The following GMDS variants were observed in gnomAD, a reference collection of about 807,000 sequenced individuals.
The protein encoded by GMDS is GDP-mannose 4,6-dehydratase, also known as GDP-mannose 4,6 dehydratase.
In GMDS, 20 loss-of-function variants were observed where a neutral mutation model predicts 49.9. The ratio of observed to expected loss-of-function variants is 0.40; its 90% CI spans 0.28 to 0.58. The LOEUF is 0.58. Ranked by LOEUF, GMDS falls within the 20% of genes least tolerant of loss-of-function variation. The pLI is 0.42. For synonymous variants in GMDS, 177 were observed against 178.6 expected (o/e 0.99, Z 0.07); for missense variants, 362 against 481.4 (o/e 0.75, Z 2.32).
At chr6:2,071,144 C>G (rs1771967152) in intron 4 of GMDS, among the ~76,000 whole-genome samples, 1 of 152,178 alleles carries the variant, frequency 6.6e-6, no homozygotes, top group Non-Finnish European at 1.5e-5. Context: ...CAAGCATTCC[C>G]TACTGAACCC....
intron 7 of GMDS, among the ~76,000 whole-genome samples, chr6:1,875,317 TACACACACACACAC>T (rs56053544): frequency 1.7e-3 from 261 of 150,124 alleles, no homozygotes; most frequent in Non-Finnish European, 2.7e-3. Flanking sequence ...TTTTTGTATT[TACACACACACACAC>T]ACACACACAC....
At chr6:1,865,023 T>C (rs976511399) in intron 7 of GMDS, among the ~76,000 whole-genome samples, 2 of 152,216 alleles carry the variant, frequency 1.3e-5, no homozygotes, top group African/African-American at 2.4e-5. Flanking sequence ...TACATTTTTA[T>C]TGCCGGAGCT....
At chr6:2,168,292 T>C (rs9501815) in intron 1 of GMDS, among the ~76,000 whole-genome samples, 2,223 of 152,296 alleles carry the variant, frequency 0.015, 55 homozygotes, top group African/African-American at 0.05. Flanking sequence ...GCTTGTTCTT[T>C]ACCAACAACA....
chr6:2,119,889 T>C (rs1368923680), intron 2 of GMDS, among the ~76,000 whole-genome samples: 2 of 152,228 alleles, frequency 1.3e-5, no homozygotes, highest in Non-Finnish European at 2.9e-5. Flanking sequence ...TTTCAAGTTC[T>C]TTCCATTTAA....
chr6:2,150,290 C>T (rs1224501001), intron 1 of GMDS, among the ~76,000 whole-genome samples: 25 of 152,124 alleles, frequency 1.6e-4, no homozygotes, highest in Admixed American at 1.6e-3. Flanking sequence ...TGGTTCATGA[C>T]TCTAATCCTG....
intron 9 of GMDS, among the ~76,000 whole-genome samples, chr6:1,688,919 A>C (rs537350273): frequency 6.6e-6 from 1 of 152,282 alleles, no homozygotes; most frequent in Admixed American, 6.5e-5. Context: ...AACATCAGCC[A>C]TTTTCCCTAA....
At chr6:2,214,487 T>G (rs1780225509) in intron 1 of GMDS, among the ~76,000 whole-genome samples, 1 of 152,204 alleles carries the variant, frequency 6.6e-6, no homozygotes, top group African/African-American at 2.4e-5. Flanking sequence ...TTTCATTGTA[T>G]TAGATATTAT....
At chr6:1,994,017 G>A (rs762305210) in intron 4 of GMDS, among the ~76,000 whole-genome samples, 1 of 152,164 alleles carries the variant, frequency 6.6e-6, no homozygotes, top group Non-Finnish European at 1.5e-5. Flanking sequence ...CCTTTAACAT[G>A]TTCCATTACA....
intron 7 of GMDS, among the ~76,000 whole-genome samples, chr6:1,779,657 C>T (rs1768997024): frequency 6.6e-6 from 1 of 152,164 alleles, no homozygotes; most frequent in African/African-American, 2.4e-5. Context: ...CCCATCCCCT[C>T]CCAAGAACAG....
chr6:2,143,160 G>T (rs1776389077), intron 1 of GMDS, among the ~76,000 whole-genome samples: 1 of 152,174 alleles, frequency 6.6e-6, no homozygotes. Flanking sequence ...TTGTCCTTGG[G>T]TTACTAATCT....
At chr6:2,123,400 G>A (rs960462000) in intron 2 of GMDS, among the ~76,000 whole-genome samples, 28 of 152,174 alleles carry the variant, frequency 1.8e-4, no homozygotes, top group South Asian at 4.1e-4. Flanking sequence ...CAAGTGCAGC[G>A]ATTTCTGCTC....
intron 9 of GMDS, among the ~76,000 whole-genome samples, chr6:1,700,380 AT>A (rs1765500940): frequency 6.6e-6 from 1 of 152,160 alleles, no homozygotes; most frequent in Non-Finnish European, 1.5e-5. Context: ...AGAAAATGGA[AT>A]TTTCTGTTCA....
intron 9 of GMDS, among the ~76,000 whole-genome samples, chr6:1,651,676 T>G (rs1352632594): frequency 6.6e-6 from 1 of 152,170 alleles, no homozygotes; most frequent in Non-Finnish European, 1.5e-5. Flanking sequence ...ATCACACAAA[T>G]GTGACTGTTC....
At chr6:2,142,696 G>A (rs1409553619) in intron 1 of GMDS, among the ~76,000 whole-genome samples, 2 of 152,150 alleles carry the variant, frequency 1.3e-5, no homozygotes, top group African/African-American at 2.4e-5. Flanking sequence ...ACTTTGTTAT[G>A]GCAGCCCTAG....
chr6:1,970,110 G>C (rs1386727065), intron 4 of GMDS, among the ~76,000 whole-genome samples: 2 of 152,162 alleles, frequency 1.3e-5, no homozygotes, highest in East Asian at 3.8e-4. Flanking sequence ...CAAATGTGGT[G>C]TCGGAAAAAG....
chr6:1,742,210 G>A (rs1019424343), intron 8 of GMDS, among the ~76,000 whole-genome samples: 7 of 151,942 alleles, frequency 4.6e-5, no homozygotes, highest in Non-Finnish European at 8.8e-5. Flanking sequence ...GTGAACCACC[G>A]CGCCTGGCCA....
At chr6:1,937,732 G>C (rs937371451) in intron 6 of GMDS, among the ~76,000 whole-genome samples, 1 of 152,196 alleles carries the variant, frequency 6.6e-6, no homozygotes, top group Non-Finnish European at 1.5e-5. Context: ...TGGTAATCCA[G>C]GATGATCCCT....
At chr6:1,676,574 C>T (rs1359386054) in intron 9 of GMDS, among the ~76,000 whole-genome samples, 2 of 152,088 alleles carry the variant, frequency 1.3e-5, no homozygotes, top group African/African-American at 2.4e-5. Context: ...GCTACTGGTA[C>T]CAAAACAGAG....
chr6:1,950,902 A>G (rs1023467317), intron 6 of GMDS, among the ~76,000 whole-genome samples: 1 of 151,968 alleles, frequency 6.6e-6, no homozygotes, highest in African/African-American at 2.4e-5. Flanking sequence ...CCATCTGGAC[A>G]GGACAGGCGT....
Sources: gnomAD v4.1 joint callset for allele counts (sites outside exome capture counted in the v4.1 genomes callset) on GRCh38, gnomAD v4.1.1 for gene constraint, MANE v1.5 for transcripts, NCBI Gene and HGNC (gene_info 2026-07-23, HGNC 2026-07-21) for gene names.